PFKFB3: variants seen among roughly 807,000 people sequenced by gnomAD.
The protein encoded by PFKFB3 is 6-phosphofructo-2-kinase/fructose-2,6-biphosphatase 3.
PFKFB3 carries 33 observed loss-of-function variants against 68.0 expected under a neutral mutation model. That is an observed-to-expected ratio of 0.49 (90% CI 0.37 to 0.65). The LOEUF (loss-of-function observed/expected upper bound fraction) is 0.65. PFKFB3 is among the 30% of genes least tolerant of loss of function. The pLI is 0.00. For synonymous variants in PFKFB3, 315 were observed against 288.2 expected (o/e 1.09, Z -0.94); for missense variants, 586 against 712.2 (o/e 0.82, Z 2.02).
chr10:6,219,947 C>G (rs753929794), intron 7 of PFKFB3, among the ~76,000 whole-genome samples: 1 of 152,114 alleles, frequency 6.6e-6, no homozygotes, highest in East Asian at 1.9e-4. Flanking sequence ...TCCTTGATGA[C>G]AAATCATATT....
intron 13 of PFKFB3, 68 bp from the exon 14 acceptor site, chr10:6,226,124 T>A (rs1025075855): frequency 2.1e-6 from 3 of 1,406,468 alleles, no homozygotes; most frequent in Middle Eastern, 1.8e-4. Context: ...AGAAACTTTT[T>A]TGGGGCTAAT....
At position 6,227,613 on chromosome 10, in the gene PFKFB3, G is replaced by T. The variant is rs537504081; in HGVS notation, c.1515+1248G>T. Among the ~76,000 whole-genome samples, 40 of 152,348 alleles carry T rather than the reference G, an allele frequency of 2.6e-4. 2 individuals carry two copies. The highest frequency in any genetic ancestry group is 2.4e-3 in the Admixed American group (37 of 15,308). On this transcript the variant is annotated intron_variant, in intron 14 of 14. Transcript: ENST00000379775. The stretch of plus-strand genomic sequence containing the variant: ...TGCCCTGCATCAGGCCCAGTGTCGG[G>T]CATGTGGTGGGGACGCGTAGACACG...
chr10:6,228,100 C>T lies in PFKFB3; in HGVS notation c.1515+1735C>T. The T allele has an allele frequency of 1.5e-6, 2 of 1,370,186 alleles. No homozygotes were observed. The highest frequency in any genetic ancestry group is 1.0e-6 in the Non-Finnish European group (1 of 962,362). The allele number at this position is 1,370,186 out of a possible 1,614,324, so 84.9% of individuals were successfully genotyped here. A position where few individuals can be genotyped will look rare whatever the true frequency, so the allele number is the denominator to read the frequency against. On this transcript the variant is annotated intron_variant, in intron 14 of 14. Coordinates refer to ENST00000379775, the MANE Select transcript of PFKFB3 (RefSeq NM_004566.4). This position sits in a 1 kb window ranked among gnomAD's most constrained non-coding sequence, Gnocchi z 4.5. ...GCCAGGTTCTTAGGGACGTCTGAAGCTGCTGGCTGGGCCGGCGTGGGGTTT... is the reference window on the plus strand; with the variant it reads ...GCCAGGTTCTTAGGGACGTCTGAAGTTGCTGGCTGGGCCGGCGTGGGGTTT...
chr10:6,204,721 C>G (rs1040457396), intron 1 of PFKFB3, among the ~76,000 whole-genome samples: 1 of 152,226 alleles, frequency 6.6e-6, no homozygotes, highest in Non-Finnish European at 1.5e-5. Context: ...TTGTGTAAAA[C>G]CTGTAAGTGG....
At chr10:6,176,473 T>C (rs1327478897) in intron 1 of PFKFB3, among the ~76,000 whole-genome samples, 3 of 152,184 alleles carry the variant, frequency 2.0e-5, no homozygotes, top group Admixed American at 2.0e-4. Flanking sequence ...AGTGGGCCCA[T>C]CATCGCTCAC....
intron 1 of PFKFB3, among the ~76,000 whole-genome samples, chr10:6,187,949 T>TTCTATCTATCTATCTATCTATCTATCTA (rs36144362): frequency 9.4e-5 from 14 of 149,670 alleles, no homozygotes; most frequent in African/African-American, 3.2e-4. Flanking sequence ...CCCTCTCCAT[T>TTCTATCTATCTATCTATCTATCTATCTA]TCTATCTATC....
intron 14 of PFKFB3, among the ~76,000 whole-genome samples, chr10:6,227,773 T>G (rs1845451918): frequency 5.9e-5 from 9 of 152,168 alleles, no homozygotes; most frequent in Admixed American, 5.2e-4. Flanking sequence ...TTGCACATGA[T>G]AGGAGCAGGA....
chr10:6,322,718 G>A, the PFKFB3 span, among the ~76,000 whole-genome samples: 1 of 152,194 alleles, frequency 6.6e-6, no homozygotes, highest in African/African-American at 2.4e-5. Context: ...ACCTGGATTA[G>A]TCTTCTTTGG....
At chr10:6,249,341 G>A (rs1026443328) in intron 14 of PFKFB3, among the ~76,000 whole-genome samples, 3 of 152,000 alleles carry the variant, frequency 2.0e-5, no homozygotes, top group African/African-American at 4.8e-5. Context: ...CTCACTTCTG[G>A]GTATTTATTC....
At chr10:6,230,719 CT>C (rs758707598) in intron 14 of PFKFB3, among the ~76,000 whole-genome samples, 369 of 142,678 alleles carry the variant, frequency 2.6e-3, no homozygotes, top group Middle Eastern at 7.1e-3. Context: ...GGCCTGAAGT[CT>C]TTTTTTTTTT....
At chr10:6,194,867 TTTC>T (rs1357496173) in intron 1 of PFKFB3, among the ~76,000 whole-genome samples, 3 of 137,524 alleles carry the variant, frequency 2.2e-5, no homozygotes, top group Non-Finnish European at 4.9e-5. Context: ...TCCTGTTTCT[TTTC>T]TTTTTTCTTT....
chr10:6,221,243 G>T (rs1844935883), intron 8 of PFKFB3, 138 bp from the exon 9 acceptor site: 1 of 938,948 alleles, frequency 1.1e-6, no homozygotes, highest in Non-Finnish European at 1.6e-6. Context: ...GTGTGCGGCT[G>T]TGGCTGTCCC....
At chr10:6,216,827 A>G (rs1157354230) in intron 5 of PFKFB3, 47 bp downstream of exon 5, 2 of 1,437,670 alleles carry the variant, frequency 1.4e-6, no homozygotes, top group Admixed American at 1.7e-5. Context: ...GGAGAGAGGA[A>G]AAGGCTTCAG....
At chr10:6,178,632 G>A (rs761911977) in intron 1 of PFKFB3, among the ~76,000 whole-genome samples, 7 of 152,192 alleles carry the variant, frequency 4.6e-5, no homozygotes, top group Non-Finnish European at 1.0e-4. Flanking sequence ...GCCCTGGGCC[G>A]TGGAGATGAC....
chr10:6,278,159 G>A, the PFKFB3 span, among the ~76,000 whole-genome samples: 4 of 151,948 alleles, frequency 2.6e-5, no homozygotes, highest in South Asian at 2.1e-4. Flanking sequence ...CTTGTGATCC[G>A]CCTGCCTCGG....
chr10:6,220,579 A>G lies in PFKFB3; in HGVS notation c.624-79A>G. ...CCCGCCTTGCTGTTCTCTGGGGATC[A>G]CATCTTCGGAGACGGGCCAGGTGCA... On this transcript the variant is annotated intron_variant, in intron 7 of 14. Transcript: ENST00000379775. The surrounding 1 kb of genome is among the most constrained non-coding windows in gnomAD (Gnocchi z 4.1). 1 of 1,308,168 alleles carries G rather than the reference A, an allele frequency of 7.6e-7. No individual in the cohort carries two copies. The highest frequency in any genetic ancestry group is 1.1e-6 in the Non-Finnish European group (1 of 913,358). The allele number at this position is 1,308,168 out of a possible 1,614,324, so 81.0% of individuals were successfully genotyped here. A position where few individuals can be genotyped will look rare whatever the true frequency, so the allele number is the denominator to read the frequency against.
chr10:6,286,492 C>T, the PFKFB3 span, among the ~76,000 whole-genome samples: 253 of 152,332 alleles, frequency 1.7e-3, 1 homozygote, highest in African/African-American at 5.7e-3. Context: ...ATTCTCCTGC[C>T]TCAGCCTCCC....
At chr10:6,242,601 T>TTTTC (rs1554745021) in intron 14 of PFKFB3, among the ~76,000 whole-genome samples, 1 of 152,108 alleles carries the variant, frequency 6.6e-6, no homozygotes, top group Non-Finnish European at 1.5e-5. Flanking sequence ...CATTTTTTTT[T>TTTTC]TTTTGAGACG....
chr10:6,220,928 G>C lies in PFKFB3; in HGVS notation c.831+63G>C. 6.8e-7 allele frequency: 1 copy of C among 1,459,932 alleles called. No homozygotes were observed. Among genetic ancestry groups the C allele is most frequent in the Non-Finnish European group, 9.5e-7 (1 of 1,054,618 alleles). 90.4% of individuals were successfully genotyped at this position (1,459,932 alleles called of 1,614,324 possible). Reference sequence around the variant, plus strand: ...AGGGCGGTTGCAGGGTCTATAGGGTGGGTGGGGAGCTGTGTGCTGCTGCTG... The same window carrying C: ...AGGGCGGTTGCAGGGTCTATAGGGTCGGTGGGGAGCTGTGTGCTGCTGCTG... On this transcript the variant is annotated intron_variant, in intron 8 of 14. Coordinates refer to ENST00000379775, the MANE Select transcript of PFKFB3 (RefSeq NM_004566.4). The surrounding 1 kb of genome is among the most constrained non-coding windows in gnomAD (Gnocchi z 4.1).
Sources: allele counts gnomAD v4.1 joint callset (sites outside exome capture counted in the v4.1 genomes callset), GRCh38; gene constraint gnomAD v4.1.1; non-coding constraint Gnocchi (gnomAD v3.1); transcripts MANE v1.5; gene names NCBI Gene and HGNC (gene_info 2026-07-23, HGNC 2026-07-21).